The following RAPGEF6 variants were observed in gnomAD, a reference collection of about 807,000 sequenced individuals.
RAPGEF6 encodes the protein Rap guanine nucleotide exchange factor 6, also known as PDZ domain containing guanine nucleotide exchange factor (GEF) 2.
In RAPGEF6, 56 loss-of-function variants were observed where a neutral mutation model predicts 171.4. That is an observed-to-expected ratio of 0.33 (90% CI 0.26 to 0.41). The LOEUF is 0.41. Ranked by LOEUF, RAPGEF6 falls within the 10% of genes least tolerant of loss-of-function variation. RAPGEF6 has a pLI of 1.00. For missense variants in RAPGEF6, 1,674 were observed against 1,921.4 expected (o/e 0.87, Z 2.41); for synonymous variants, 692 against 650.1 (o/e 1.06, Z -0.98).
chr5:131,502,292 G>A (rs994899095), intron 11 of RAPGEF6, among the ~76,000 whole-genome samples: 1 of 152,196 alleles, frequency 6.6e-6, no homozygotes, highest in South Asian at 2.1e-4. Context: ...GAAGTAAAAA[G>A]TGCCGAATAG....
intron 4 of RAPGEF6, among the ~76,000 whole-genome samples, chr5:131,574,063 A>G (rs1283748429): frequency 1.3e-5 from 2 of 152,184 alleles, no homozygotes; most frequent in Non-Finnish European, 2.9e-5. Context: ...CCATGTCTCC[A>G]GCATACAAAA....
At chr5:131,511,397 A>G (rs1443942623) in intron 7 of RAPGEF6, 1 of 152,086 alleles carries the variant, frequency 6.6e-6, no homozygotes, top group Non-Finnish European at 1.5e-5. Flanking sequence ...TCAAATATGA[A>G]TATTAGTGAA....
intron 6 of RAPGEF6, among the ~76,000 whole-genome samples, chr5:131,540,547 G>A (rs911975239): frequency 2.6e-5 from 4 of 152,214 alleles, no homozygotes; most frequent in African/African-American, 9.6e-5. Context: ...TTGGGCAACA[G>A]AGCGAGACCC....
At chr5:131,604,829 G>A (rs1764458036) in intron 1 of RAPGEF6, 136 bp from the exon 2 acceptor site, 1 of 1,130,030 alleles carries the variant, frequency 8.8e-7, no homozygotes, top group African/African-American at 1.6e-5. Flanking sequence ...TAAAACCTCT[G>A]AATCATAAAA....
intron 2 of RAPGEF6, 125 bp from the exon 3 acceptor site, chr5:131,603,452 G>T: frequency 1.6e-6 from 1 of 621,898 alleles, no homozygotes; most frequent in Non-Finnish European, 2.8e-6. Context: ...CCAGTATGTT[G>T]TCACTAAACT....
intron 13 of RAPGEF6, among the ~76,000 whole-genome samples, chr5:131,494,011 TC>T (rs1366876189): frequency 9.2e-5 from 14 of 152,344 alleles, no homozygotes; most frequent in African/African-American, 3.1e-4. Context: ...TTTTCCCACT[TC>T]ATTCAACTCA....
At chr5:131,529,683 T>C (rs917161463) in intron 6 of RAPGEF6, among the ~76,000 whole-genome samples, 11 of 151,938 alleles carry the variant, frequency 7.2e-5, no homozygotes, top group African/African-American at 2.7e-4. Flanking sequence ...GGCCAAGGCA[T>C]GAGGACTGCT....
intron 20 of RAPGEF6, among the ~76,000 whole-genome samples, chr5:131,453,572 C>T (rs938889311): frequency 2.6e-5 from 4 of 152,080 alleles, no homozygotes; most frequent in African/African-American, 9.7e-5. Context: ...GCCTGGGCAA[C>T]AGAGTGAGAT....
intron 1 of RAPGEF6, among the ~76,000 whole-genome samples, chr5:131,612,615 G>C (rs1765000564): frequency 6.6e-6 from 1 of 152,124 alleles, no homozygotes; most frequent in South Asian, 2.1e-4. Flanking sequence ...GTGGAAATGT[G>C]CTTGTAATTT....
intron 1 of RAPGEF6, among the ~76,000 whole-genome samples, chr5:131,634,325 G>A (rs1766496779): frequency 6.6e-6 from 1 of 151,244 alleles, no homozygotes; most frequent in Non-Finnish European, 1.5e-5. Flanking sequence ...TAGCCTTCAT[G>A]AAGGTCGAAT....
At chr5:131,582,971 C>T (rs915243727) in intron 4 of RAPGEF6, among the ~76,000 whole-genome samples, 12 of 152,116 alleles carry the variant, frequency 7.9e-5, no homozygotes, top group African/African-American at 2.9e-4. Context: ...TAAACACGTA[C>T]AAAATCTAGC....
chr5:131,567,795 T>C (rs1183062362), intron 4 of RAPGEF6, among the ~76,000 whole-genome samples: 1 of 152,228 alleles, frequency 6.6e-6, no homozygotes, highest in East Asian at 1.9e-4. Context: ...GAAAGACTTT[T>C]GAAATCACAA....
chr5:131,598,842 A>C (rs1764057905), intron 3 of RAPGEF6, among the ~76,000 whole-genome samples: 1 of 152,232 alleles, frequency 6.6e-6, no homozygotes, highest in African/African-American at 2.4e-5. Context: ...TCCAAAGCCC[A>C]CAGCCTCCCA....
intron 22 of RAPGEF6, among the ~76,000 whole-genome samples, chr5:131,442,951 C>CTTT (rs5871422): frequency 6.8e-6 from 1 of 146,696 alleles, no homozygotes; most frequent in Non-Finnish European, 1.5e-5. Flanking sequence ...CAAAACCTGG[C>CTTT]TTTTTTTTTT....
chr5:131,463,964 C>T, intron 18 of RAPGEF6, 77 bp downstream of exon 18: 2 of 1,498,050 alleles, frequency 1.3e-6, no homozygotes, highest in Non-Finnish European at 1.8e-6. Context: ...AATGTTTCTA[C>T]TTACAATAGC....
intron 6 of RAPGEF6, among the ~76,000 whole-genome samples, chr5:131,533,323 T>C (rs1207127762): frequency 6.6e-6 from 1 of 152,128 alleles, no homozygotes; most frequent in Non-Finnish European, 1.5e-5. Context: ...TGATTTTTAA[T>C]TCTGTACATT....
In RAPGEF6 at chr5:131,431,192, T is replaced by A. The variant is rs1221435113; in HGVS notation, c.4132A>T (p.Ser1378Cys). The A allele has an allele frequency of 6.2e-7, 1 of 1,614,206 alleles. No individual in the cohort carries two copies. The highest frequency in any genetic ancestry group is 8.5e-7 in the Non-Finnish European group (1 of 1,180,030). The change falls in exon 26 of 28, where the codon AGC (serine) becomes TGC (cysteine). Residue 1378 changes from serine to cysteine, a missense_variant. Ser to Cys is a moderately radical substitution (Grantham distance 112, BLOSUM62 -1). Coordinates refer to ENST00000509018, the MANE Select transcript of RAPGEF6 (RefSeq NM_016340.6). ...TCCCAGCTTTTTGGGTTTGGAAGGC[T>A]TTGGAAGTTGTCATGGGAGCTGCTT... ...CSSSSHDNFQ[S>C]LPNPKSWDFL...
intron 21 of RAPGEF6, among the ~76,000 whole-genome samples, chr5:131,450,489 A>C (rs1406346663): frequency 2.0e-5 from 3 of 152,234 alleles, no homozygotes; most frequent in African/African-American, 4.8e-5. Flanking sequence ...ACATAAAAAC[A>C]TAAAATTTCA....
At chr5:131,449,973 G>T in intron 21 of RAPGEF6, 1 of 1,495,778 alleles carries the variant, frequency 6.7e-7, no homozygotes, top group Non-Finnish European at 9.0e-7. Context: ...TGCAATATAT[G>T]TTAAGAGTCG....
Sources: allele counts gnomAD v4.1 joint callset (sites outside exome capture counted in the v4.1 genomes callset), GRCh38; gene constraint gnomAD v4.1.1; transcripts MANE v1.5; gene names NCBI Gene and HGNC (gene_info 2026-07-23, HGNC 2026-07-21).